Variants in TNC observed in about 807,000 individuals in gnomAD.
TNC encodes the protein tenascin.
A neutral mutation model predicts 202.4 loss-of-function variants in TNC; 109 were observed. That is an observed-to-expected ratio of 0.54 (90% CI 0.46 to 0.63). The LOEUF (loss-of-function observed/expected upper bound fraction) is 0.63. TNC is among the 30% of genes least tolerant of loss of function. The pLI is 0.00. For synonymous variants in TNC, 1,007 were observed against 1,089.7 expected, an observed-to-expected ratio of 0.92 and a Z score of 1.50; for missense variants, 2,756 against 2,833.3, an observed-to-expected ratio of 0.97 and a Z score of 0.62.
chr9:115,087,180 T>TC lies in TNC; in HGVS notation c.550_551insG (p.Asn184ArgfsTer4). ...GCCTGGACATTCGGGCTCAGAGCAG[T>TC]TGGGGCCTTTCCAGCCAGGTTCGCA... On this transcript the variant is annotated frameshift_variant, in exon 3 of 28. Transcript: ENST00000350763. LOFTEE classifies it high-confidence loss of function. 2.5e-6 allele frequency: 4 copies of TC among 1,614,192 alleles called. No homozygotes were observed. The highest frequency in any genetic ancestry group is 3.4e-6 in the Non-Finnish European group (4 of 1,180,046).
chr9:115,029,327 C>G (rs1803316383), intron 25 of TNC, 33 bp downstream of exon 25: 1 of 1,600,454 alleles, frequency 6.2e-7, no homozygotes. Context: ...CAGAATCAGG[C>G]ATTTTAGATA....
chr9:115,087,527 GGTGTGTGTGTGTGT>G (rs57327715), intron 2 of TNC, among the ~76,000 whole-genome samples: 9 of 148,734 alleles, frequency 6.1e-5, no homozygotes, highest in Non-Finnish European at 1.0e-4. Context: ...TATGCATAGG[GGTGTGTGTGTGTGT>G]GTGTGTGTGT....
intron 26 of TNC, 25 bp downstream of exon 26, chr9:115,026,509 G>C: frequency 2.5e-6 from 4 of 1,610,174 alleles, no homozygotes; most frequent in Non-Finnish European, 3.4e-6. Flanking sequence ...GGCTTTGTAG[G>C]CTCTACGTGC....
Position 115,090,500 on chromosome 9 carries a change from G to A in TNC, c.457+62C>T. 2.2e-6 allele frequency: 3 copies of A among 1,351,134 alleles called. No homozygotes were observed. The South Asian group carries it at 4.2e-5, about 19-fold the overall frequency. The allele number at this position is 1,351,134 out of a possible 1,614,324, so 83.7% of individuals were successfully genotyped here. A position where few individuals can be genotyped will look rare whatever the true frequency, so the allele number is the denominator to read the frequency against. On this transcript the variant is annotated intron_variant, in intron 2 of 27. Coordinates refer to ENST00000350763, the MANE Select transcript of TNC (RefSeq NM_002160.4). ...ACTTTGGAAGCAAGTGATGGATGCT[G>A]CTATGCTCTTCATTTCTCCATGTTT...
intron 25 of TNC, 118 bp from the exon 26 acceptor site, chr9:115,026,813 G>T: frequency 1.9e-6 from 1 of 535,874 alleles, no homozygotes; most frequent in Non-Finnish European, 2.7e-6. Flanking sequence ...GGGCCCAGTG[G>T]CTCATGCCTG....
chr9:115,076,241 A>G, intron 8 of TNC, 120 bp from the exon 9 acceptor site: 1 of 1,420,116 alleles, frequency 7.0e-7, no homozygotes, highest in South Asian at 1.2e-5. Context: ...ATGTTTTACA[A>G]AAGAACTCAC....
At chr9:115,100,250 C>A (rs1461208367) in intron 1 of TNC, among the ~76,000 whole-genome samples, 4 of 152,200 alleles carry the variant, frequency 2.6e-5, no homozygotes, top group Non-Finnish European at 5.9e-5. Flanking sequence ...TTGAGCAGGA[C>A]TTAGAAGCAA....
chr9:115,021,123 C>A lies in TNC; in HGVS notation c.*34G>T. On this transcript the variant is annotated 3_prime_UTR_variant, in exon 28 of 28. Transcript: ENST00000350763. ...GGTAAAATCCTTTCCTCGCTCTGGG[C>A]CTTATTCCTCTCTCACCCAGTGGTC... The A allele has an allele frequency of 6.5e-7, 1 of 1,529,008 alleles. No homozygotes were observed. Among genetic ancestry groups the A allele is most frequent in the South Asian group, 1.1e-5 (1 of 89,164 alleles). 94.7% of individuals were successfully genotyped at this position (1,529,008 alleles called of 1,614,324 possible).
chr9:115,023,478 G>C (rs1335212597), intron 27 of TNC, among the ~76,000 whole-genome samples: 2 of 152,198 alleles, frequency 1.3e-5, no homozygotes, highest in African/African-American at 4.8e-5. Flanking sequence ...GGCTGGAAGT[G>C]GGGAGAGCTG....
At position 115,057,304 on chromosome 9, in the gene TNC, A is replaced by G. The variant is rs1182157907; in HGVS notation, c.4428T>C (p.Asn1476=). 5 of 1,614,168 alleles carry G rather than the reference A, an allele frequency of 3.1e-6. No homozygotes were observed. The highest frequency in any genetic ancestry group is 4.2e-6 in the Non-Finnish European group (5 of 1,180,026). ...TATATTCCACAGTCTCCAGCAACCT[A>G]TTGGAATCAATAATTTCAATGGTAA... ...ETFTIEIIDS[N]RLLETVEYNI... is the part of the protein sequence containing the mutation. Residue 1476 remains asparagine (N), a synonymous_variant, in exon 15 of 28, where the codon AAT becomes AAC. Coordinates refer to ENST00000350763, the MANE Select transcript of TNC (RefSeq NM_002160.4).
rs572681276 is a variant in TNC, at chr9:115,041,316, A to G, written c.5249-232T>C. 4.4e-4 allele frequency among the ~76,000 whole-genome samples: 57 copies of G among 128,304 alleles called. 1 individual carries two copies. Among genetic ancestry groups the G allele is most frequent in the African/African-American group, 1.0e-3 (30 of 30,008 alleles). 84.2% of individuals were successfully genotyped at this position (128,304 alleles called of 152,430 possible). On this transcript the variant is annotated intron_variant, in intron 18 of 27. Coordinates refer to ENST00000350763, the MANE Select transcript of TNC (RefSeq NM_002160.4). ...AAACAAAGCCAGGAGGGGCGGGGGA[A>G]AACATGAAGTCACAACGTACTAAAA...
intron 1 of TNC, among the ~76,000 whole-genome samples, chr9:115,116,655 T>A (rs537107557): frequency 6.6e-6 from 1 of 151,834 alleles, no homozygotes; most frequent in South Asian, 2.1e-4. Context: ...TTCCAAAGAG[T>A]TTCCAACAGC....
intron 1 of TNC, among the ~76,000 whole-genome samples, chr9:115,101,018 T>C (rs971201333): frequency 1.3e-5 from 2 of 152,140 alleles, no homozygotes; most frequent in Non-Finnish European, 2.9e-5. Context: ...TGTGTTAAAG[T>C]ATTTCTAGAC....
Position 115,059,727 on chromosome 9 carries a change from T to A in TNC, c.4306+3A>T. The A allele has an allele frequency of 6.3e-7, 1 of 1,579,196 alleles. No homozygotes were observed. Among genetic ancestry groups the A allele is most frequent in the Non-Finnish European group, 8.6e-7 (1 of 1,161,464 alleles). ...AGAAAGCATTGACAGGGAGAGGAAG[T>A]ACCTGTGGAGGCCTCAGCAGAGAGT... On this transcript the variant is annotated splice_donor_region_variant and intron_variant, in intron 14 of 27. Transcript: ENST00000350763.
chr9:115,062,642 C>T (rs1216935066), intron 13 of TNC, among the ~76,000 whole-genome samples: 2 of 149,956 alleles, frequency 1.3e-5, no homozygotes, highest in South Asian at 2.1e-4. Context: ...TCTATATATA[C>T]ACACACACAT....
intron 17 of TNC, among the ~76,000 whole-genome samples, chr9:115,043,247 G>A (rs1564428433): frequency 1.3e-5 from 2 of 151,928 alleles, no homozygotes; most frequent in African/African-American, 2.4e-5. Context: ...ATTACATGCT[G>A]AAACCCACAG....
intron 22 of TNC, among the ~76,000 whole-genome samples, chr9:115,034,832 A>G (rs1178889144): frequency 6.6e-6 from 1 of 152,246 alleles, no homozygotes; most frequent in South Asian, 2.1e-4. Context: ...ACACGGTGAA[A>G]CATATTACAA....
chr9:115,027,406 A>G (rs1397076464), intron 25 of TNC, among the ~76,000 whole-genome samples: 1 of 152,022 alleles, frequency 6.6e-6, no homozygotes, highest in African/African-American at 2.4e-5. Context: ...CCTGGCCAAC[A>G]TGGTGAAACC....
At chr9:115,052,795 T>C (rs1244210832) in intron 15 of TNC, 2 of 702,570 alleles carry the variant, frequency 2.8e-6, no homozygotes, top group Admixed American at 2.0e-5. Flanking sequence ...AGGTGGTTCC[T>C]GCCACACTGA....
Sources: gnomAD v4.1 joint callset for allele counts (sites outside exome capture counted in the v4.1 genomes callset) on GRCh38, gnomAD v4.1.1 for gene constraint, MANE v1.5 for transcripts, NCBI Gene and HGNC (gene_info 2026-07-23, HGNC 2026-07-21) for gene names.